BRINP3: variants seen among roughly 807,000 people sequenced by gnomAD.
BRINP3 encodes the protein BMP/retinoic acid inducible neural specific 3, also known as BMP/retinoic acid-inducible neural-specific protein 3.
A neutral mutation model predicts 71.0 loss-of-function variants in BRINP3; 19 were observed. The observed-to-expected ratio is 0.27, with a 90% CI of 0.19 to 0.39. The LOEUF is 0.39. Among genes scored for constraint, BRINP3 ranks in the 10% least tolerant of loss-of-function variants. The pLI is 1.00. For synonymous variants in BRINP3, 380 were observed against 337.7 expected, an observed-to-expected ratio of 1.13 and a Z score of -1.37; for missense variants, 959 against 940.8, an observed-to-expected ratio of 1.02 and a Z score of -0.25.
At chr1:190,295,821 A>C (rs1430358754) in intron 2 of BRINP3, among the ~76,000 whole-genome samples, 1 of 152,092 alleles carries the variant, frequency 6.6e-6, no homozygotes, top group Admixed American at 6.5e-5. Context: ...CCCTGGTATC[A>C]AGAAGGGGTG....
chr1:190,188,086 T>A (rs1449056085), intron 6 of BRINP3, among the ~76,000 whole-genome samples: 1 of 152,100 alleles, frequency 6.6e-6, no homozygotes, highest in Non-Finnish European at 1.5e-5. Flanking sequence ...ATTGTAGAGA[T>A]ATTACACATT....
intron 6 of BRINP3, among the ~76,000 whole-genome samples, chr1:190,163,966 C>G (rs1262306911): frequency 6.6e-6 from 1 of 152,068 alleles, no homozygotes; most frequent in African/African-American, 2.4e-5. Flanking sequence ...TTTCATAACT[C>G]TGTTAGCAAA....
At chr1:190,407,759 A>G (rs1226362738) in intron 2 of BRINP3, among the ~76,000 whole-genome samples, 2 of 152,144 alleles carry the variant, frequency 1.3e-5, no homozygotes, top group East Asian at 3.8e-4. Flanking sequence ...CTTAAAATAA[A>G]AGTTGAAACC....
intron 2 of BRINP3, chr1:190,361,988 T>C (rs1034046302): frequency 2.6e-5 from 4 of 152,094 alleles, no homozygotes; most frequent in Non-Finnish European, 5.9e-5. Flanking sequence ...ATGGTCTTCA[T>C]GATGAAATTA....
At chr1:190,358,039 C>G (rs1295307834) in intron 2 of BRINP3, among the ~76,000 whole-genome samples, 1 of 152,076 alleles carries the variant, frequency 6.6e-6, no homozygotes, top group Non-Finnish European at 1.5e-5. Context: ...AACTGTTAGA[C>G]CTAAAACCAT....
chr1:190,356,944 C>A (rs1668770165), intron 2 of BRINP3, among the ~76,000 whole-genome samples: 2 of 151,096 alleles, frequency 1.3e-5, no homozygotes, highest in Non-Finnish European at 2.9e-5. Context: ...AGAAGGGCGA[C>A]TGAGGAGACA....
chr1:190,211,580 G>A (rs2102651530), intron 6 of BRINP3, among the ~76,000 whole-genome samples: 1 of 152,126 alleles, frequency 6.6e-6, no homozygotes, highest in East Asian at 1.9e-4. Flanking sequence ...CATTGCAATA[G>A]CTTTTATGTA....
chr1:190,241,849 T>C (rs1405781695), intron 4 of BRINP3, among the ~76,000 whole-genome samples: 1 of 151,754 alleles, frequency 6.6e-6, no homozygotes, highest in African/African-American at 2.4e-5. Flanking sequence ...CAAAATGCTT[T>C]ATAAAATTTT....
intron 4 of BRINP3, among the ~76,000 whole-genome samples, chr1:190,244,626 A>G (rs915560357): frequency 6.6e-6 from 1 of 152,128 alleles, no homozygotes; most frequent in African/African-American, 2.4e-5. Flanking sequence ...ACACAAAGCA[A>G]TCTGTCACTG....
At chr1:190,455,347 TTAAA>T (rs1337407813) in intron 1 of BRINP3, among the ~76,000 whole-genome samples, 1 of 152,168 alleles carries the variant, frequency 6.6e-6, no homozygotes, top group Non-Finnish European at 1.5e-5. Context: ...TATATTTATC[TTAAA>T]TAAATGCTTT....
At chr1:190,272,928 G>A (rs1662234082) in intron 3 of BRINP3, among the ~76,000 whole-genome samples, 1 of 151,462 alleles carries the variant, frequency 6.6e-6, no homozygotes, top group Admixed American at 6.6e-5. Flanking sequence ...ACTATTTGAT[G>A]TAAACTTGTT....
chr1:190,313,730 A>T lies in BRINP3; in HGVS notation c.237-31980T>A, dbSNP rs1393066379. Reference sequence around the variant, plus strand: ...CTACTTGGATTCTTCTTATATTTCAAATGAGAAAACTAAGGTTTAAAGAAA... The same window carrying T: ...CTACTTGGATTCTTCTTATATTTCATATGAGAAAACTAAGGTTTAAAGAAA... On this transcript the variant is annotated intron_variant, in intron 2 of 7. Transcript: ENST00000367462. Among the ~76,000 whole-genome samples the T allele has an allele frequency of 3.3e-5, 5 of 152,080 alleles. No homozygotes were observed. The East Asian group carries it at 9.7e-4, about 29-fold the overall frequency.
chr1:190,200,700 T>C (rs1484283730), intron 6 of BRINP3, among the ~76,000 whole-genome samples: 1 of 152,054 alleles, frequency 6.6e-6, no homozygotes, highest in Non-Finnish European at 1.5e-5. Context: ...CGGTAGGAGA[T>C]GATTGAATCA....
chr1:190,307,142 A>G (rs1665160126), intron 2 of BRINP3, among the ~76,000 whole-genome samples: 2 of 151,866 alleles, frequency 1.3e-5, no homozygotes, highest in Admixed American at 6.6e-5. Flanking sequence ...GACATTGCTA[A>G]AGTTAAAGAG....
chr1:190,439,117 T>C (rs1674653161), intron 2 of BRINP3, among the ~76,000 whole-genome samples: 1 of 151,834 alleles, frequency 6.6e-6, no homozygotes, highest in Non-Finnish European at 1.5e-5. Context: ...GAGGCGTAGG[T>C]GAGTACGTTT....
intron 4 of BRINP3, among the ~76,000 whole-genome samples, chr1:190,258,559 T>A (rs1660885891): frequency 6.6e-6 from 1 of 152,068 alleles, no homozygotes; most frequent in African/African-American, 2.4e-5. Flanking sequence ...GTAAGGAAAC[T>A]AGAAATAACT....
intron 2 of BRINP3, among the ~76,000 whole-genome samples, chr1:190,388,070 CA>C (rs1671027511): frequency 6.6e-6 from 1 of 151,666 alleles, no homozygotes; most frequent in Non-Finnish European, 1.5e-5. Flanking sequence ...AGCCATTCCC[CA>C]GGTAAATTCT....
intron 6 of BRINP3, among the ~76,000 whole-genome samples, chr1:190,207,072 A>G (rs1438329943): frequency 6.6e-6 from 1 of 151,062 alleles, no homozygotes; most frequent in Non-Finnish European, 1.5e-5. Context: ...TAGAGATGTT[A>G]TTTCTTACAC....
At chr1:190,407,246 T>C (rs1035781627) in intron 2 of BRINP3, among the ~76,000 whole-genome samples, 55 of 152,196 alleles carry the variant, frequency 3.6e-4, no homozygotes, top group African/African-American at 1.2e-3. Flanking sequence ...TTGATCATTA[T>C]AGAATAAATT....
Sources: allele counts gnomAD v4.1 joint callset (sites outside exome capture counted in the v4.1 genomes callset), GRCh38; gene constraint gnomAD v4.1.1; transcripts MANE v1.5; gene names NCBI Gene and HGNC (gene_info 2026-07-23, HGNC 2026-07-21).